CAMK1D: variants seen among roughly 807,000 people sequenced by gnomAD.
CAMK1D encodes calcium/calmodulin dependent protein kinase ID, also known as calcium/calmodulin-dependent protein kinase type 1D.
A neutral mutation model predicts 47.7 loss-of-function variants in CAMK1D; 9 were observed. The ratio of observed to expected loss-of-function variants is 0.19; its 90% CI spans 0.11 to 0.33. The LOEUF (loss-of-function observed/expected upper bound fraction) is 0.33, where lower values mean the gene tolerates loss of function less well. CAMK1D is among the 10% of genes least tolerant of loss of function. CAMK1D has a pLI of 1.00. For missense variants in CAMK1D, 291 were observed against 488.7 expected, an observed-to-expected ratio of 0.60 and a Z score of 3.81; for synonymous variants, 184 against 184.9, an observed-to-expected ratio of 0.99 and a Z score of 0.04.
intron 1 of CAMK1D, among the ~76,000 whole-genome samples, chr10:12,351,608 C>T (rs1837357098): frequency 6.6e-6 from 1 of 152,190 alleles, no homozygotes; most frequent in Non-Finnish European, 1.5e-5. Context: ...TGACTGATGC[C>T]CTGTCCCCTG....
chr10:12,451,242 C>T (rs115488823), intron 1 of CAMK1D, among the ~76,000 whole-genome samples: 2,496 of 152,332 alleles, frequency 0.016, 67 homozygotes, highest in African/African-American at 0.056. Flanking sequence ...CAGGCTCCTC[C>T]TCTGGCCCAG....
At chr10:12,370,479 C>T (rs978871854) in intron 1 of CAMK1D, among the ~76,000 whole-genome samples, 1 of 152,040 alleles carries the variant, frequency 6.6e-6, no homozygotes, top group East Asian at 1.9e-4. Flanking sequence ...GCGTTGTTAT[C>T]GTAGGAGATG....
chr10:12,431,190 G>A (rs895518061), intron 1 of CAMK1D, among the ~76,000 whole-genome samples: 1 of 152,172 alleles, frequency 6.6e-6, no homozygotes, highest in African/African-American at 2.4e-5. Context: ...GAGAAAGGAA[G>A]AAAAATTAAA....
intron 1 of CAMK1D, among the ~76,000 whole-genome samples, chr10:12,541,920 G>A (rs1836207163): frequency 7.8e-6 from 1 of 127,616 alleles, no homozygotes. Context: ...TTGTCACCCT[G>A]GCTGGAGTGC....
chr10:12,684,897 T>G (rs1209602677), intron 3 of CAMK1D, among the ~76,000 whole-genome samples: 1 of 152,212 alleles, frequency 6.6e-6, no homozygotes, highest in African/African-American at 2.4e-5. Context: ...TCATATATAA[T>G]GCTCCAACTA....
At chr10:12,650,268 C>T (rs1377828176) in intron 2 of CAMK1D, among the ~76,000 whole-genome samples, 30 of 152,328 alleles carry the variant, frequency 2.0e-4, no homozygotes, top group Middle Eastern at 3.4e-3. Flanking sequence ...CAGACTGGAG[C>T]GCAGATTGAT....
chr10:12,800,799 T>C (rs934324163), intron 6 of CAMK1D, among the ~76,000 whole-genome samples: 2 of 152,180 alleles, frequency 1.3e-5, no homozygotes, highest in Admixed American at 6.6e-5. Context: ...AAGATCAAAC[T>C]TCTAAAGCAG....
intron 7 of CAMK1D, 45 bp downstream of exon 7, chr10:12,814,352 CT>C: frequency 1.6e-6 from 2 of 1,261,104 alleles, no homozygotes; most frequent in Non-Finnish European, 1.2e-6. Flanking sequence ...CCCCGCGACA[CT>C]TACACCCAGA....
chr10:12,549,391 TC>T, intron 1 of CAMK1D, among the ~76,000 whole-genome samples: 1 of 152,382 alleles, frequency 6.6e-6, no homozygotes, highest in South Asian at 2.1e-4. Context: ...GGGTCAGAAT[TC>T]CATTGCTATT....
chr10:12,542,444 G>A (rs1165077766), intron 1 of CAMK1D, among the ~76,000 whole-genome samples: 3 of 152,142 alleles, frequency 2.0e-5, no homozygotes, highest in South Asian at 2.1e-4. Context: ...AAGCTAATAG[G>A]GCAGGTCATT....
At chr10:12,758,895 AG>A (rs1836360417) in intron 3 of CAMK1D, among the ~76,000 whole-genome samples, 1 of 152,218 alleles carries the variant, frequency 6.6e-6, no homozygotes, top group Non-Finnish European at 1.5e-5. Flanking sequence ...GACAGCAGTT[AG>A]GGAGGCTGCT....
intron 3 of CAMK1D, among the ~76,000 whole-genome samples, chr10:12,694,449 A>ATG (rs1833156369): frequency 1.1e-5 from 1 of 94,952 alleles, no homozygotes; most frequent in Non-Finnish European, 1.9e-5. Flanking sequence ...TAAAATATGA[A>ATG]ATATATATGT....
intron 1 of CAMK1D, among the ~76,000 whole-genome samples, chr10:12,521,365 T>G (rs1440921591): frequency 1.3e-5 from 2 of 152,236 alleles, no homozygotes; most frequent in Non-Finnish European, 2.9e-5. Context: ...ACTTTTGGAC[T>G]ATTTAGAAGT....
chr10:12,450,375 T>G (rs1302672354), intron 1 of CAMK1D, among the ~76,000 whole-genome samples: 1 of 152,196 alleles, frequency 6.6e-6, no homozygotes, highest in Non-Finnish European at 1.5e-5. Context: ...CAGGTTTATA[T>G]AAGCGTGAAA....
At chr10:12,535,017 G>A (rs1428581192) in intron 1 of CAMK1D, among the ~76,000 whole-genome samples, 1 of 152,198 alleles carries the variant, frequency 6.6e-6, no homozygotes, top group East Asian at 1.9e-4. Context: ...AAACAGGTTT[G>A]GTGAGCAGCT....
At chr10:12,564,155 C>CTCTCTCTCTCTCTCTCTGTCTG (rs1837050431) in intron 2 of CAMK1D, among the ~76,000 whole-genome samples, 1 of 103,474 alleles carries the variant, frequency 9.7e-6, no homozygotes, top group Non-Finnish European at 2.1e-5. Flanking sequence ...CTGTCTCTCT[C>CTCTCTCTCTCTCTCTCTGTCTG]TCTCTCTCTC....
chr10:12,641,676 T>C (rs148618903), intron 2 of CAMK1D, among the ~76,000 whole-genome samples: 1 of 151,270 alleles, frequency 6.6e-6, no homozygotes, highest in East Asian at 1.9e-4. Context: ...AAAGTTTTGA[T>C]GGTAAGAAAT....
At chr10:12,552,675 T>G (rs1313163951) in intron 1 of CAMK1D, among the ~76,000 whole-genome samples, 2 of 152,216 alleles carry the variant, frequency 1.3e-5, no homozygotes, top group African/African-American at 4.8e-5. Flanking sequence ...TGTGTTGACC[T>G]CCACATCCGC....
At chr10:12,734,537 C>CATATGTAT (rs1399641918) in intron 3 of CAMK1D, among the ~76,000 whole-genome samples, 3 of 146,610 alleles carry the variant, frequency 2.0e-5, no homozygotes, top group African/African-American at 7.6e-5. Flanking sequence ...TATATACACA[C>CATATGTAT]ATATGTATAT....
Sources: gnomAD v4.1 joint callset for allele counts (sites outside exome capture counted in the v4.1 genomes callset) on GRCh38, gnomAD v4.1.1 for gene constraint, MANE v1.5 for transcripts, NCBI Gene and HGNC (gene_info 2026-07-23, HGNC 2026-07-21) for gene names.